NUP160: variants seen among roughly 807,000 people sequenced by gnomAD.
NUP160 encodes nuclear pore complex protein Nup160.
A neutral mutation model predicts 196.9 loss-of-function variants in NUP160; 94 were observed. The observed-to-expected ratio is 0.48, with a 90% CI of 0.40 to 0.57. The LOEUF is 0.57. Among genes scored for constraint, NUP160 ranks in the 20% least tolerant of loss-of-function variants. The pLI is 0.00. For synonymous variants in NUP160, 605 were observed against 619.7 expected, an observed-to-expected ratio of 0.98 and a Z score of 0.35; for missense variants, 1,638 against 1,748.3, an observed-to-expected ratio of 0.94 and a Z score of 1.13.
In NUP160 at chr11:47,815,469, G is replaced by T; in HGVS notation, c.1686+10C>A. 1 of 1,582,036 alleles carries T rather than the reference G, an allele frequency of 6.3e-7. No homozygotes were observed. On this transcript the variant is annotated intron_variant, in intron 13 of 35. Transcript: ENST00000378460. The stretch of plus-strand genomic sequence containing the variant: ...TCAAGAAGGTCTTCTCTATGCTTTA[G>T]CTCACTTACTTTTTTCAGCAGGCAC...
intron 18 of NUP160, 67 bp from the exon 19 acceptor site, chr11:47,807,207 T>C: frequency 1.0e-6 from 1 of 969,944 alleles, no homozygotes; most frequent in Non-Finnish European, 1.6e-6. Flanking sequence ...CTACAAGCTC[T>C]TCTACGAAGA....
chr11:47,805,447 C>CTT lies in NUP160; in HGVS notation c.2606+704_2606+705dup, dbSNP rs34487443. Among the ~76,000 whole-genome samples, 163 of 133,288 alleles carry CTT rather than the reference C, an allele frequency of 1.2e-3. 10 individuals are homozygous for CTT. Among genetic ancestry groups the CTT allele is most frequent in the Middle Eastern group, 4.5e-3 (1 of 224 alleles). The allele number at this position is 133,288 out of a possible 152,430, so 87.4% of individuals were successfully genotyped here. ...CAGCACCCAGCCAAATGAATAATGTCTTTTTTTTTTTTTTTGAGACGGAGT... is the reference window on the plus strand; with the variant it reads ...CAGCACCCAGCCAAATGAATAATGTCTTTTTTTTTTTTTTTTTGAGACGGAGT... On this transcript the variant is annotated intron_variant, in intron 20 of 35. Transcript: ENST00000378460.
At chr11:47,813,837 T>C (rs567956528) in intron 13 of NUP160, among the ~76,000 whole-genome samples, 373 of 151,488 alleles carry the variant, frequency 2.5e-3, no homozygotes, top group Middle Eastern at 0.014. Flanking sequence ...TTTGGGAGGC[T>C]GAAGTGGGTG....
At chr11:47,814,774 C>T (rs372895103) in intron 13 of NUP160, among the ~76,000 whole-genome samples, 1 of 152,046 alleles carries the variant, frequency 6.6e-6, no homozygotes, top group Non-Finnish European at 1.5e-5. Flanking sequence ...GATAAAGGAG[C>T]ATGATATCTA....
At chr11:47,840,389 T>G (rs772718453) in exon 3 of NUP160, 1 of 1,613,438 alleles carries the variant, frequency 6.2e-7, no homozygotes. Flanking sequence ...CTCCTATACA[T>G]CCGGGAGGGG....
intron 7 of NUP160, 122 bp from the exon 8 acceptor site, chr11:47,822,286 CTTGCTCTG>C (rs1384499492): frequency 1.8e-6 from 1 of 553,276 alleles, no homozygotes; most frequent in Non-Finnish European, 3.2e-6. Flanking sequence ...AAAGAAGAGT[CTTGCTCTG>C]TTGCCCAGGC....
chr11:47,795,945 A>G (rs948375654), intron 27 of NUP160, among the ~76,000 whole-genome samples: 1 of 152,022 alleles, frequency 6.6e-6, no homozygotes, highest in Non-Finnish European at 1.5e-5. Context: ...TGAGGTCAGG[A>G]GTTCAAGACC....
intron 34 of NUP160, among the ~76,000 whole-genome samples, chr11:47,781,883 A>G (rs2097661062): frequency 6.6e-6 from 1 of 152,188 alleles, no homozygotes; most frequent in African/African-American, 2.4e-5. Flanking sequence ...AGATTCCTAG[A>G]GTGTCAATAT....
intron 23 of NUP160, among the ~76,000 whole-genome samples, chr11:47,798,813 T>G (rs980683525): frequency 6.6e-6 from 1 of 151,970 alleles, no homozygotes; most frequent in Non-Finnish European, 1.5e-5. Flanking sequence ...CTGGGTGGTA[T>G]AGCACGACCC....
At chr11:47,819,451 C>T (rs776777928) in exon 10 of NUP160, 2 of 1,611,710 alleles carry the variant, frequency 1.2e-6, no homozygotes. Flanking sequence ...CACTGACCTG[C>T]AACATTACTA....
At chr11:47,796,499 A>G (rs556013372) in intron 27 of NUP160, 651 of 274,866 alleles carry the variant, frequency 2.4e-3, no homozygotes, top group Middle Eastern at 0.01. Context: ...AAATAAATAG[A>G]TATTGAGAGA....
intron 27 of NUP160, among the ~76,000 whole-genome samples, chr11:47,796,935 C>T (rs2097671202): frequency 6.6e-6 from 1 of 152,192 alleles, no homozygotes; most frequent in Admixed American, 6.5e-5. Flanking sequence ...TTAAGCGATC[C>T]ACCTGCCTCA....
chr11:47,847,109 C>T (rs898973090), intron 2 of NUP160, among the ~76,000 whole-genome samples: 1 of 152,168 alleles, frequency 6.6e-6, no homozygotes, highest in Admixed American at 6.5e-5. Flanking sequence ...ACATCACTTT[C>T]TGTTTTACCC....
chr11:47,845,908 G>T (rs140942907), intron 2 of NUP160, among the ~76,000 whole-genome samples: 1 of 152,134 alleles, frequency 6.6e-6, no homozygotes, highest in African/African-American at 2.4e-5. Flanking sequence ...CGAGAACGGG[G>T]CACTGCTTGA....
chr11:47,821,613 G>T, intron 9 of NUP160, 111 bp downstream of exon 9: 1 of 744,728 alleles, frequency 1.3e-6, no homozygotes, highest in Non-Finnish European at 2.3e-6. Flanking sequence ...GCCTGCCTCG[G>T]CCTCTCAAAG....
rs1565185021 is a variant in NUP160, at chr11:47,783,144, C to A, written c.4045G>T (p.Glu1349Ter). The change falls in exon 34 of 36, where the codon GAA becomes TAA. Residue 1349 changes from glutamate (E) to a stop codon, truncating the protein, a stop_gained. Transcript: ENST00000378460. LOFTEE classifies it high-confidence loss of function. The stretch of plus-strand genomic sequence containing the variant: ...TATTCTGACACCAAATCCACAGCTT[C>A]TTCTAAAAGGTCATAGTTTAAGTAT... 1 of 1,613,984 alleles carries A rather than the reference C, an allele frequency of 6.2e-7. No homozygotes were observed.
At chr11:47,782,319 T>A (rs1226954082) in intron 34 of NUP160, among the ~76,000 whole-genome samples, 5,622 of 16,866 alleles carry the variant, frequency 0.33, 1,065 homozygotes, top group African/African-American at 0.58. Context: ...TATATATATA[T>A]ATATATATAT....
exon 1 of NUP160, chr11:47,848,346 G>T: frequency 3.1e-6 from 5 of 1,613,276 alleles, no homozygotes; most frequent in Non-Finnish European, 4.2e-6. Flanking sequence ...GACGCCCAAC[G>T]GAACAAAGGC....
At chr11:47,809,220 CT>C (rs1227226626) in intron 17 of NUP160, among the ~76,000 whole-genome samples, 1 of 130,026 alleles carries the variant, frequency 7.7e-6, no homozygotes, top group Non-Finnish European at 1.6e-5. Context: ...AGCCACTGCA[CT>C]TCAGCCTGGG....
Sources: allele counts gnomAD v4.1 joint callset (sites outside exome capture counted in the v4.1 genomes callset), GRCh38; gene constraint gnomAD v4.1.1; transcripts MANE v1.5; gene names NCBI Gene and HGNC (gene_info 2026-07-23, HGNC 2026-07-21).